Variants in ARID2 observed in about 807,000 individuals in gnomAD.
ARID2 encodes AT-rich interactive domain-containing protein 2.
A neutral mutation model predicts 184.6 loss-of-function variants in ARID2; 32 were observed. The observed-to-expected ratio is 0.17, with a 90% CI of 0.13 to 0.23. The LOEUF (loss-of-function observed/expected upper bound fraction) is 0.23. ARID2 is among the 10% of genes least tolerant of loss of function. The pLI, the probability that ARID2 is intolerant of heterozygous loss-of-function variation, is 1.00. For missense variants in ARID2, 1,696 were observed against 2,197.6 expected (o/e 0.77, Z 4.56); for synonymous variants, 836 against 772.6 (o/e 1.08, Z -1.36).
At chr12:45,750,479 A>G (rs1941442056) in intron 3 of ARID2, among the ~76,000 whole-genome samples, 1 of 152,248 alleles carries the variant, frequency 6.6e-6, no homozygotes, top group South Asian at 2.1e-4. Context: ...TTAAAAAATG[A>G]TGCCGATAGA....
chr12:45,828,358 C>T (rs1005788078), intron 6 of ARID2, among the ~76,000 whole-genome samples: 5 of 151,956 alleles, frequency 3.3e-5, no homozygotes, highest in Non-Finnish European at 5.9e-5. Context: ...GCAATTTGTT[C>T]TACTGTAAAA....
chr12:45,841,850 A>T (rs935596166), intron 11 of ARID2: 1 of 152,152 alleles, frequency 6.6e-6, no homozygotes, highest in African/African-American at 2.4e-5. Flanking sequence ...AATATAATAC[A>T]TTTTATGTTT....
At chr12:45,768,817 T>TAA (rs1941818092) in intron 3 of ARID2, among the ~76,000 whole-genome samples, 1 of 152,164 alleles carries the variant, frequency 6.6e-6, no homozygotes, top group Non-Finnish European at 1.5e-5. Flanking sequence ...TGAAGCAATT[T>TAA]ATGCTTCAGC....
intron 3 of ARID2, among the ~76,000 whole-genome samples, chr12:45,807,914 A>G (rs910962265): frequency 6.6e-6 from 1 of 152,140 alleles, no homozygotes; most frequent in Non-Finnish European, 1.5e-5. Context: ...AATAGTGCTG[A>G]TATTATTTGA....
At chr12:45,901,317 C>T (rs1944455360) in intron 20 of ARID2, among the ~76,000 whole-genome samples, 1 of 151,020 alleles carries the variant, frequency 6.6e-6, no homozygotes, top group Non-Finnish European at 1.5e-5. Context: ...ACTACAGGCG[C>T]CCACCACCAT....
intron 20 of ARID2, among the ~76,000 whole-genome samples, chr12:45,904,103 A>C (rs923069039): frequency 1.3e-5 from 2 of 152,132 alleles, no homozygotes; most frequent in East Asian, 3.8e-4. Context: ...AGATAGCCAC[A>C]TCAATATTGT....
At chr12:45,867,424 A>G (rs1943847457) in intron 16 of ARID2, among the ~76,000 whole-genome samples, 1 of 151,700 alleles carries the variant, frequency 6.6e-6, no homozygotes, top group African/African-American at 2.4e-5. Context: ...ACCTAATTTT[A>G]ACTTTTTTCT....
intron 16 of ARID2, among the ~76,000 whole-genome samples, chr12:45,878,172 G>A (rs1225612177): frequency 6.6e-6 from 1 of 151,928 alleles, no homozygotes; most frequent in Non-Finnish European, 1.5e-5. Context: ...TTTGGTTTTT[G>A]GAAGTTTGAA....
chr12:45,863,118 A>G (rs1057342943), intron 16 of ARID2, among the ~76,000 whole-genome samples: 1 of 152,228 alleles, frequency 6.6e-6, no homozygotes, highest in Non-Finnish European at 1.5e-5. Context: ...ATATTGGACA[A>G]TTTAACTTTG....
chr12:45,745,560 A>T (rs748896123), intron 3 of ARID2, among the ~76,000 whole-genome samples: 5 of 152,050 alleles, frequency 3.3e-5, no homozygotes, highest in Non-Finnish European at 7.4e-5. Flanking sequence ...TATTATTATT[A>T]TTTTTGAGAC....
intron 16 of ARID2, among the ~76,000 whole-genome samples, chr12:45,890,552 G>A (rs1026687167): frequency 2.8e-4 from 42 of 152,134 alleles, no homozygotes; most frequent in African/African-American, 9.9e-4. Context: ...AGCATTGTGA[G>A]TTCTGAGAAT....
intron 3 of ARID2, among the ~76,000 whole-genome samples, chr12:45,737,062 A>C (rs1432373782): frequency 6.6e-6 from 1 of 152,042 alleles, no homozygotes; most frequent in East Asian, 1.9e-4. Context: ...TTTAAAACAT[A>C]AATTTCACTT....
chr12:45,839,276 GCATT>G, intron 10 of ARID2, 49 bp from the exon 11 acceptor site: 1 of 1,471,674 alleles, frequency 6.8e-7, no homozygotes, highest in South Asian at 1.3e-5. Flanking sequence ...ACCAGTGATG[GCATT>G]CATTTATAAT....
At chr12:45,834,311 A>G (rs1943175102) in intron 6 of ARID2, among the ~76,000 whole-genome samples, 1 of 151,716 alleles carries the variant, frequency 6.6e-6, no homozygotes, top group Non-Finnish European at 1.5e-5. Flanking sequence ...AATTTGGCTT[A>G]ACCACAGTTA....
intron 3 of ARID2, among the ~76,000 whole-genome samples, chr12:45,740,594 A>G (rs760317233): frequency 1.1e-4 from 16 of 152,138 alleles, no homozygotes; most frequent in Admixed American, 2.6e-4. Context: ...ATCATTCGCT[A>G]ATGTAACAAT....
At chr12:45,896,986 C>G (rs1041494456) in intron 20 of ARID2, among the ~76,000 whole-genome samples, 1 of 152,094 alleles carries the variant, frequency 6.6e-6, no homozygotes. Context: ...ATAGCAGAAA[C>G]AATCTTGAGA....
At chr12:45,854,417 G>A (rs1943608326) in intron 15 of ARID2, among the ~76,000 whole-genome samples, 1 of 152,138 alleles carries the variant, frequency 6.6e-6, no homozygotes, top group South Asian at 2.1e-4. Context: ...TGCTTTGAGG[G>A]ATGTTATATA....
chr12:45,879,688 A>T (rs929187219), intron 16 of ARID2, among the ~76,000 whole-genome samples: 10 of 152,144 alleles, frequency 6.6e-5, no homozygotes, highest in African/African-American at 2.4e-4. Context: ...TATTGTGAGG[A>T]TGGGACTGAT....
intron 6 of ARID2, among the ~76,000 whole-genome samples, chr12:45,828,961 G>T (rs1347565557): frequency 6.6e-6 from 1 of 151,792 alleles, no homozygotes; most frequent in Non-Finnish European, 1.5e-5. Context: ...CTGGAAGTTG[G>T]CCATTTTTTA....
Sources: gnomAD v4.1 joint callset for allele counts (sites outside exome capture counted in the v4.1 genomes callset) on GRCh38, gnomAD v4.1.1 for gene constraint, MANE v1.5 for transcripts, NCBI Gene and HGNC (gene_info 2026-07-23, HGNC 2026-07-21) for gene names.